PPFIA2: variants seen among roughly 807,000 people sequenced by gnomAD.
PPFIA2 encodes the protein liprin-alpha-2.
PPFIA2 carries 46 observed loss-of-function variants against 175.5 expected under a neutral mutation model. That is an observed-to-expected ratio of 0.26 (90% CI 0.21 to 0.34). The LOEUF is 0.34. Ranked by LOEUF, PPFIA2 falls within the 10% of genes least tolerant of loss-of-function variation. The probability of loss-of-function intolerance (pLI) is 1.00; values close to 1 mark genes in which losing one functional copy is unlikely to be tolerated. For synonymous variants in PPFIA2, 568 were observed against 511.4 expected (o/e 1.11, Z -1.49); for missense variants, 1,179 against 1,506.1 (o/e 0.78, Z 3.60).
intron 28 of PPFIA2, among the ~76,000 whole-genome samples, chr12:81,273,238 C>T (rs887317641): frequency 1.3e-5 from 2 of 152,092 alleles, no homozygotes; most frequent in Admixed American, 6.6e-5. Context: ...GTCAGTCTTA[C>T]TTATTTTATT....
At chr12:81,592,669 C>G (rs780835720) in intron 4 of PPFIA2, among the ~76,000 whole-genome samples, 1 of 152,114 alleles carries the variant, frequency 6.6e-6, no homozygotes, top group East Asian at 1.9e-4. Context: ...TGCCTTCCAC[C>G]GTGATTGTGA....
At chr12:81,758,685 A>G (rs1292378097) in intron 1 of PPFIA2, 178 bp from the exon 2 acceptor site, 1 of 332,628 alleles carries the variant, frequency 3.0e-6, no homozygotes, top group Non-Finnish European at 6.0e-6. Context: ...TTGGGAAGCA[A>G]AGCTCGGTTC....
At chr12:81,490,698 AC>A (rs1593868668) in intron 4 of PPFIA2, among the ~76,000 whole-genome samples, 2 of 151,512 alleles carry the variant, frequency 1.3e-5, no homozygotes, top group Admixed American at 6.6e-5. Flanking sequence ...TTCTTACAGA[AC>A]CCCATTCTGC....
At chr12:81,537,469 C>A (rs1471991922) in intron 4 of PPFIA2, among the ~76,000 whole-genome samples, 3 of 151,798 alleles carry the variant, frequency 2.0e-5, no homozygotes, top group South Asian at 2.1e-4. Flanking sequence ...ATCAATTATT[C>A]CTTACTGTGT....
At chr12:81,514,560 C>G (rs1435218214) in intron 4 of PPFIA2, among the ~76,000 whole-genome samples, 1 of 151,814 alleles carries the variant, frequency 6.6e-6, no homozygotes, top group African/African-American at 2.4e-5. Flanking sequence ...GAGGTATGCA[C>G]TGTCTTATAC....
chr12:81,684,013 A>G (rs985001730), intron 3 of PPFIA2, among the ~76,000 whole-genome samples: 1 of 152,096 alleles, frequency 6.6e-6, no homozygotes, highest in Non-Finnish European at 1.5e-5. Context: ...TAATCTATTC[A>G]TGAGGGATCT....
At chr12:81,629,008 C>A (rs1353113916) in intron 4 of PPFIA2, among the ~76,000 whole-genome samples, 1 of 152,104 alleles carries the variant, frequency 6.6e-6, no homozygotes, top group Non-Finnish European at 1.5e-5. Flanking sequence ...GCACACTGCC[C>A]TGGGTAATCT....
intron 4 of PPFIA2, among the ~76,000 whole-genome samples, chr12:81,550,497 G>C (rs754311220): frequency 1.8e-4 from 28 of 151,966 alleles, no homozygotes; most frequent in Non-Finnish European, 3.2e-4. Context: ...GATATATTTT[G>C]AAGGTCTAAG....
At chr12:81,533,641 T>C (rs527401501) in intron 4 of PPFIA2, among the ~76,000 whole-genome samples, 4 of 151,610 alleles carry the variant, frequency 2.6e-5, no homozygotes, top group African/African-American at 9.7e-5. Context: ...TTAGAACTTA[T>C]CAATGTTATA....
At chr12:81,620,796 G>T (rs540929779) in intron 4 of PPFIA2, among the ~76,000 whole-genome samples, 14 of 152,260 alleles carry the variant, frequency 9.2e-5, no homozygotes, top group African/African-American at 3.4e-4. Context: ...GAAGTAAAAG[G>T]TTTCAGGCAA....
intron 4 of PPFIA2, among the ~76,000 whole-genome samples, chr12:81,496,979 C>T (rs1380203745): frequency 6.6e-6 from 1 of 152,152 alleles, no homozygotes; most frequent in African/African-American, 2.4e-5. Flanking sequence ...TTTAGCCCTA[C>T]TGAAGCTCCA....
At chr12:81,325,005 A>C (rs909738518) in intron 22 of PPFIA2, among the ~76,000 whole-genome samples, 3 of 152,050 alleles carry the variant, frequency 2.0e-5, no homozygotes, top group Admixed American at 6.6e-5. Flanking sequence ...AATGATGATG[A>C]GAGCAGTGAA....
At chr12:81,404,999 T>C (rs1451721047) in intron 8 of PPFIA2, among the ~76,000 whole-genome samples, 1 of 152,196 alleles carries the variant, frequency 6.6e-6, no homozygotes, top group African/African-American at 2.4e-5. Context: ...ATGATTCTCC[T>C]GAGTTTCCAA....
intron 27 of PPFIA2, among the ~76,000 whole-genome samples, chr12:81,277,907 G>C (rs1003291596): frequency 1.2e-4 from 18 of 152,106 alleles, no homozygotes; most frequent in African/African-American, 4.3e-4. Flanking sequence ...TGATACAGAA[G>C]TATGTAAGAA....
chr12:81,390,967 A>G (rs1427858513), intron 8 of PPFIA2, among the ~76,000 whole-genome samples: 1 of 150,300 alleles, frequency 6.7e-6, no homozygotes, highest in Non-Finnish European at 1.5e-5. Context: ...TAAAATATAT[A>G]TTTATATTTA....
At chr12:81,535,591 AG>A in intron 4 of PPFIA2, 1 of 378,338 alleles carries the variant, frequency 2.6e-6, no homozygotes, top group Middle Eastern at 5.5e-4. Flanking sequence ...TTGGCAAGGG[AG>A]GAAGGAAAAA....
At chr12:81,567,472 CA>C (rs2071581424) in intron 4 of PPFIA2, among the ~76,000 whole-genome samples, 1 of 152,050 alleles carries the variant, frequency 6.6e-6, no homozygotes, top group Non-Finnish European at 1.5e-5. Flanking sequence ...ATGGTCATGT[CA>C]AAAATATGAA....
intron 4 of PPFIA2, among the ~76,000 whole-genome samples, chr12:81,625,338 C>T (rs1308630888): frequency 2.0e-5 from 3 of 151,694 alleles, no homozygotes; most frequent in Non-Finnish European, 2.9e-5. Flanking sequence ...TCAAATATGT[C>T]GAGGTTGTCT....
intron 22 of PPFIA2, among the ~76,000 whole-genome samples, chr12:81,309,205 A>C (rs552230496): frequency 6.6e-6 from 1 of 152,278 alleles, no homozygotes; most frequent in East Asian, 1.9e-4. Context: ...TTTCAACCAA[A>C]GAATGGACTT....
Sources: gnomAD v4.1 joint callset for allele counts (sites outside exome capture counted in the v4.1 genomes callset) on GRCh38, gnomAD v4.1.1 for gene constraint, MANE v1.5 for transcripts, NCBI Gene and HGNC (gene_info 2026-07-23, HGNC 2026-07-21) for gene names.